The following MAPK10 variants were observed in gnomAD, a reference collection of about 807,000 sequenced individuals.
MAPK10 encodes the protein mitogen-activated protein kinase 10.
In MAPK10, 25 loss-of-function variants were observed where a neutral mutation model predicts 59.3. The observed-to-expected ratio is 0.42, with a 90% CI of 0.31 to 0.59. The LOEUF (loss-of-function observed/expected upper bound fraction) is 0.59, where lower values mean the gene tolerates loss of function less well. Ranked by LOEUF, MAPK10 falls within the 20% of genes least tolerant of loss-of-function variation. MAPK10 has a pLI of 0.15. For synonymous variants in MAPK10, 190 were observed against 200.5 expected (o/e 0.95, Z 0.44); for missense variants, 351 against 568.9 (o/e 0.62, Z 3.90).
chr4:86,286,110 G>C (rs2094997567), intron 2 of MAPK10, among the ~76,000 whole-genome samples: 1 of 152,170 alleles, frequency 6.6e-6, no homozygotes, highest in South Asian at 2.1e-4. Flanking sequence ...GCATCCCTTA[G>C]CCTAATTAAG....
intron 1 of MAPK10, chr4:86,370,662 C>T (rs1345832942): frequency 6.6e-6 from 1 of 151,964 alleles, no homozygotes; most frequent in African/African-American, 2.4e-5. Flanking sequence ...AAAGGAAAAA[C>T]CTCAACACAG....
At chr4:86,408,059 C>G (rs1473694383) in intron 1 of MAPK10, among the ~76,000 whole-genome samples, 4 of 148,502 alleles carry the variant, frequency 2.7e-5, no homozygotes, top group South Asian at 4.5e-4. Context: ...CACAGCCCCC[C>G]ACCCCCCGAC....
chr4:86,442,364 A>G (rs1457028353), intron 1 of MAPK10, among the ~76,000 whole-genome samples: 1 of 152,220 alleles, frequency 6.6e-6, no homozygotes, highest in Non-Finnish European at 1.5e-5. Flanking sequence ...CTATGAGATA[A>G]ATATTATTGT....
At chr4:86,208,137 C>G (rs1344412678) in intron 2 of MAPK10, among the ~76,000 whole-genome samples, 1 of 152,082 alleles carries the variant, frequency 6.6e-6, no homozygotes, top group African/African-American at 2.4e-5. Flanking sequence ...CAGATGTATT[C>G]ACAGCCGAAT....
At chr4:86,321,182 C>T (rs1224714115) in intron 2 of MAPK10, among the ~76,000 whole-genome samples, 1 of 152,000 alleles carries the variant, frequency 6.6e-6, no homozygotes, top group Non-Finnish European at 1.5e-5. Flanking sequence ...TGTGGCGATT[C>T]CTCAAGGATC....
chr4:86,055,982 T>C (rs2044471449), intron 11 of MAPK10, among the ~76,000 whole-genome samples: 1 of 149,952 alleles, frequency 6.7e-6, no homozygotes, highest in African/African-American at 2.5e-5. Flanking sequence ...GTGGGGAAAA[T>C]CAGGAAACAA....
intron 2 of MAPK10, among the ~76,000 whole-genome samples, chr4:86,228,740 T>C (rs766328106): frequency 2.0e-4 from 31 of 152,172 alleles, no homozygotes; most frequent in Non-Finnish European, 4.3e-4. Flanking sequence ...TCCATGTTTG[T>C]ATCCCCAGCA....
intron 3 of MAPK10, among the ~76,000 whole-genome samples, chr4:86,181,098 T>C (rs750562507): frequency 2.0e-5 from 3 of 152,104 alleles, no homozygotes; most frequent in Non-Finnish European, 2.9e-5. Flanking sequence ...ACTATGTACC[T>C]CCATAAACAT....
chr4:86,078,560 T>C (rs2049979195), intron 9 of MAPK10, among the ~76,000 whole-genome samples: 1 of 151,600 alleles, frequency 6.6e-6, no homozygotes, highest in Admixed American at 6.6e-5. Flanking sequence ...AAAGAATTTT[T>C]TTCTAAAAAC....
chr4:86,480,455 G>A (rs1056212586), intron 1 of MAPK10, among the ~76,000 whole-genome samples: 16 of 152,226 alleles, frequency 1.1e-4, no homozygotes, highest in Middle Eastern at 3.4e-3. Flanking sequence ...CTGCACCCAG[G>A]TGATTAAAAA....
chr4:86,503,605 G>A (rs1271009969), intron 1 of MAPK10, among the ~76,000 whole-genome samples: 2 of 152,078 alleles, frequency 1.3e-5, no homozygotes, highest in Non-Finnish European at 2.9e-5. Flanking sequence ...AAGCATTTGA[G>A]AATTAATCTG....
upstream of MAPK10, among the ~76,000 whole-genome samples, chr4:86,363,447 C>T (rs1737314722): frequency 6.6e-6 from 1 of 152,102 alleles, no homozygotes; most frequent in African/African-American, 2.4e-5. Context: ...CAGGTTAATA[C>T]CAATCATTTT....
intron 1 of MAPK10, among the ~76,000 whole-genome samples, chr4:86,382,307 C>A (rs1043203586): frequency 6.6e-6 from 1 of 152,066 alleles, no homozygotes; most frequent in Non-Finnish European, 1.5e-5. Context: ...CTGGCACTGA[C>A]CCCCCACTCA....
At chr4:86,130,745 T>C (rs563814526) in intron 4 of MAPK10, among the ~76,000 whole-genome samples, 73 of 152,098 alleles carry the variant, frequency 4.8e-4, no homozygotes, top group Non-Finnish European at 8.7e-4. Flanking sequence ...GATTTTCAGA[T>C]AAGACACAGG....
At chr4:86,374,208 G>A (rs1202747929) in intron 1 of MAPK10, among the ~76,000 whole-genome samples, 1 of 152,064 alleles carries the variant, frequency 6.6e-6, no homozygotes, top group Non-Finnish European at 1.5e-5. Flanking sequence ...GTTGAACAAT[G>A]AGAATACATG....
chr4:86,255,468 C>T (rs1563656019), intron 2 of MAPK10, among the ~76,000 whole-genome samples: 1 of 152,096 alleles, frequency 6.6e-6, no homozygotes, highest in Non-Finnish European at 1.5e-5. Context: ...AGCTGCATTC[C>T]TCTCTGAAGG....
chr4:86,087,051 T>G (rs1435826301), intron 9 of MAPK10, among the ~76,000 whole-genome samples: 1 of 152,172 alleles, frequency 6.6e-6, no homozygotes, highest in African/African-American at 2.4e-5. Flanking sequence ...TACTGCCACA[T>G]TACCCGAGCC....
intron 1 of MAPK10, among the ~76,000 whole-genome samples, chr4:86,591,940 G>T (rs1003514730): frequency 5.9e-5 from 9 of 151,966 alleles, no homozygotes; most frequent in Admixed American, 4.6e-4. Flanking sequence ...GAAGTGGCTG[G>T]CTTTAGTATA....
At chr4:86,504,735 T>C (rs1026597092) in intron 1 of MAPK10, among the ~76,000 whole-genome samples, 4 of 152,060 alleles carry the variant, frequency 2.6e-5, no homozygotes, top group Admixed American at 2.0e-4. Context: ...GATTTACTGT[T>C]TCAAATTCTA....
Sources: allele counts gnomAD v4.1 joint callset (sites outside exome capture counted in the v4.1 genomes callset), GRCh38; gene constraint gnomAD v4.1.1; transcripts MANE v1.5; gene names NCBI Gene and HGNC (gene_info 2026-07-23, HGNC 2026-07-21).